Variants in RTN4 observed in about 807,000 individuals in gnomAD.
RTN4 encodes the protein reticulon 4, also known as reticulon-4.
A neutral mutation model predicts 90.4 loss-of-function variants in RTN4; 32 were observed. The observed-to-expected ratio is 0.35, with a 90% CI of 0.27 to 0.48. RTN4 has a LOEUF of 0.48. Among genes scored for constraint, RTN4 ranks in the 20% least tolerant of loss-of-function variants. The probability of loss-of-function intolerance (pLI) is 0.99; values close to 1 mark genes in which losing one functional copy is unlikely to be tolerated. For missense variants in RTN4, 1,706 were observed against 1,430.2 expected, an observed-to-expected ratio of 1.19 and a Z score of -3.11; for synonymous variants, 629 against 552.5, an observed-to-expected ratio of 1.14 and a Z score of -1.94.
At chr2:55,005,283 G>A (rs1227728856) in intron 3 of RTN4, among the ~76,000 whole-genome samples, 1 of 152,112 alleles carries the variant, frequency 6.6e-6, no homozygotes, top group Admixed American at 6.5e-5. Flanking sequence ...TCAGTTAGGG[G>A]CCCTGGTAAG....
Position 55,026,957 on chromosome 2 carries a change from C to G in RTN4, c.1142G>C (p.Arg381Thr), listed in dbSNP as rs1385012855. 1.2e-6 allele frequency: 2 copies of G among 1,613,484 alleles called. No individual in the cohort carries two copies. The part of the protein sequence containing the change: ...EKRVAVEAPM[R>T]EEYADFKPFE... Reference sequence around the variant, plus strand: ...TGGTTTGAAGTCTGCATATTCCTCCCTCATAGGAGCTTCCACTGCAACTCT... The same window carrying G: ...TGGTTTGAAGTCTGCATATTCCTCCGTCATAGGAGCTTCCACTGCAACTCT... Residue 381 changes from arginine to threonine, a missense_variant, in exon 3 of 9, where the codon AGG becomes ACG. Physicochemically the swap from Arg to Thr is moderately conservative, Grantham distance 71 (BLOSUM62 -1). Coordinates refer to ENST00000337526, the MANE Select transcript of RTN4 (RefSeq NM_020532.5).
intron 1 of RTN4, among the ~76,000 whole-genome samples, chr2:55,039,755 G>A (rs1682946014): frequency 6.6e-6 from 1 of 152,120 alleles, no homozygotes; most frequent in Admixed American, 6.5e-5. Context: ...CTCCAGCCTG[G>A]GTGACAAGAG....
chr2:55,030,007 C>T (rs1283792543), intron 1 of RTN4, among the ~76,000 whole-genome samples: 1 of 152,118 alleles, frequency 6.6e-6, no homozygotes, highest in South Asian at 2.1e-4. Flanking sequence ...CAAATAATTA[C>T]GCAGCTGCTC....
At chr2:55,081,162 C>A (rs1460956524) in intron 1 of RTN4, among the ~76,000 whole-genome samples, 3 of 152,170 alleles carry the variant, frequency 2.0e-5, no homozygotes, top group Non-Finnish European at 2.9e-5. Flanking sequence ...GCAGCCTCAA[C>A]CTCCTGGGCC....
chr2:55,036,870 C>T (rs1458237805), intron 1 of RTN4, among the ~76,000 whole-genome samples: 2 of 152,082 alleles, frequency 1.3e-5, no homozygotes, highest in African/African-American at 4.8e-5. Flanking sequence ...AAGACTAATG[C>T]ATTCACTCAA....
chr2:55,005,558 G>A (rs1280821144), intron 3 of RTN4, among the ~76,000 whole-genome samples: 1 of 152,084 alleles, frequency 6.6e-6, no homozygotes, highest in African/African-American at 2.4e-5. Context: ...TTTTGTAAAA[G>A]GCGCCCAAAG....
the RTN4 span, among the ~76,000 whole-genome samples, chr2:55,119,528 C>CT: frequency 0.028 from 4,266 of 152,264 alleles, 97 homozygotes; most frequent in South Asian, 0.098. Flanking sequence ...GTATAAAAGC[C>CT]TTATAGTAGA....
chr2:55,101,912 A>G (rs2105056902), intron 1 of RTN4, among the ~76,000 whole-genome samples: 1 of 152,294 alleles, frequency 6.6e-6, no homozygotes, highest in Admixed American at 6.5e-5. Flanking sequence ...ACTGTAGGAT[A>G]TATGTTCAAA....
intron 3 of RTN4, among the ~76,000 whole-genome samples, chr2:55,015,953 A>T (rs1182137315): frequency 6.6e-6 from 1 of 152,244 alleles, no homozygotes; most frequent in East Asian, 1.9e-4. Flanking sequence ...TTTTTATACA[A>T]ACCCTTATAA....
chr2:55,076,299 A>G (rs1482108066), intron 2 of RTN4, among the ~76,000 whole-genome samples: 1 of 152,088 alleles, frequency 6.6e-6, no homozygotes, highest in Non-Finnish European at 1.5e-5. Flanking sequence ...TCTCAAAAGA[A>G]GATATACAAA....
chr2:55,030,928 T>C (rs574411816), intron 1 of RTN4, among the ~76,000 whole-genome samples: 13 of 152,294 alleles, frequency 8.5e-5, no homozygotes, highest in African/African-American at 2.9e-4. Context: ...TATTTTACAA[T>C]GTAACAACAT....
intron 5 of RTN4, among the ~76,000 whole-genome samples, chr2:54,978,394 G>A (rs990927636): frequency 4.7e-5 from 6 of 128,180 alleles, no homozygotes; most frequent in East Asian, 4.9e-4. Context: ...TCGCACCACC[G>A]CCCTCCAGCC....
intron 2 of RTN4, among the ~76,000 whole-genome samples, chr2:55,068,526 T>G (rs1425238890): frequency 6.6e-6 from 1 of 152,096 alleles, no homozygotes; most frequent in African/African-American, 2.4e-5. Context: ...AATTTTATCT[T>G]TAATAAACTA....
intron 1 of RTN4, among the ~76,000 whole-genome samples, chr2:55,109,816 A>T (rs546301506): frequency 6.6e-6 from 1 of 152,314 alleles, no homozygotes; most frequent in South Asian, 2.1e-4. Flanking sequence ...ATATTTGAAA[A>T]AGGGAATCAC....
At chr2:55,036,036 A>C (rs896609386) in intron 1 of RTN4, among the ~76,000 whole-genome samples, 3 of 152,212 alleles carry the variant, frequency 2.0e-5, no homozygotes, top group Non-Finnish European at 4.4e-5. Context: ...ACATCTAATG[A>C]ATAGTACCAA....
chr2:55,073,092 T>A (rs1302124278), intron 2 of RTN4, among the ~76,000 whole-genome samples: 1 of 152,230 alleles, frequency 6.6e-6, no homozygotes, highest in Non-Finnish European at 1.5e-5. Flanking sequence ...TACATATTTT[T>A]AAATAAATTA....
chr2:55,078,560 T>C (rs1455005814), intron 2 of RTN4, among the ~76,000 whole-genome samples: 1 of 152,254 alleles, frequency 6.6e-6, no homozygotes, highest in Non-Finnish European at 1.5e-5. Flanking sequence ...TTAGCCTGTC[T>C]TCCTTTCTTC....
chr2:55,001,377 T>C (rs1679840915), intron 3 of RTN4, among the ~76,000 whole-genome samples: 1 of 152,328 alleles, frequency 6.6e-6, no homozygotes, highest in Middle Eastern at 3.4e-3. Flanking sequence ...TCTAGCTCTC[T>C]AGTAACCAAC....
upstream of RTN4, among the ~76,000 whole-genome samples, chr2:55,116,959 C>T (rs188822741): frequency 5.3e-4 from 80 of 151,160 alleles, no homozygotes; most frequent in Middle Eastern, 6.8e-3. Flanking sequence ...CTGCAACCTC[C>T]ACCTCCTGGG....
Sources: gnomAD v4.1 joint callset for allele counts (sites outside exome capture counted in the v4.1 genomes callset) on GRCh38, gnomAD v4.1.1 for gene constraint, MANE v1.5 for transcripts, NCBI Gene and HGNC (gene_info 2026-07-23, HGNC 2026-07-21) for gene names.